The following AMY2B variants were observed in gnomAD, a reference collection of about 807,000 sequenced individuals.
The protein encoded by AMY2B is amylase alpha 2B.
In AMY2B, 63 loss-of-function variants were observed where a neutral mutation model predicts 59.3. That is an observed-to-expected ratio of 1.06 (90% CI 0.87 to 1.31). AMY2B has a LOEUF of 1.31. Ranked by LOEUF, AMY2B falls within the 50% of genes most tolerant of loss-of-function variation. AMY2B has a pLI of 0.00. For synonymous variants in AMY2B, 180 were observed against 198.1 expected, an observed-to-expected ratio of 0.91 and a Z score of 0.77; for missense variants, 635 against 626.7, an observed-to-expected ratio of 1.01 and a Z score of -0.14.
At chr1:103,567,123 C>G (rs115186091), upstream of AMY2B, among the ~76,000 whole-genome samples, 1,673 of 152,122 alleles carry the variant, frequency 0.011, 38 homozygotes, top group African/African-American at 0.039. Context: ...AACAGAGGAG[C>G]TAACTATGCT....
chr1:103,579,273 C>T, intron 9 of AMY2B, 38 bp from the exon 10 acceptor site: 3 of 1,611,486 alleles, frequency 1.9e-6, no homozygotes, highest in Non-Finnish European at 2.5e-6. Context: ...TCTTGATTTT[C>T]AGTGTATTGA....
upstream of AMY2B, chr1:103,570,185 T>C: frequency 2.1e-6 from 1 of 481,196 alleles, no homozygotes; most frequent in South Asian, 1.7e-5. Flanking sequence ...AGACACTACG[T>C]CAAGGAGAAA....
upstream of AMY2B, among the ~76,000 whole-genome samples, chr1:103,568,108 G>T (rs565656261): frequency 6.6e-6 from 1 of 152,124 alleles, no homozygotes; most frequent in Non-Finnish European, 1.5e-5. Flanking sequence ...TGCTATTACT[G>T]TTATTTACTA....
chr1:103,561,543 A>C (rs1570636828), intron 1 of AMY2B, among the ~76,000 whole-genome samples: 1 of 152,284 alleles, frequency 6.6e-6, no homozygotes, highest in East Asian at 1.9e-4. Flanking sequence ...TCATTTAACT[A>C]ATTTAACCCA....
upstream of AMY2B, chr1:103,569,960 C>A (rs964525626): frequency 4.3e-6 from 2 of 465,236 alleles, no homozygotes; most frequent in South Asian, 3.6e-5. Context: ...CGTGGCCATC[C>A]AGGCTAGGCT....
chr1:103,564,363 A>C (rs971394119), intron 1 of AMY2B, among the ~76,000 whole-genome samples: 1 of 152,168 alleles, frequency 6.6e-6, no homozygotes, highest in East Asian at 1.9e-4. Context: ...TCTTTACACC[A>C]TCAGCCCTGT....
chr1:103,559,815 A>G (rs954842200), intron 1 of AMY2B, among the ~76,000 whole-genome samples: 3 of 152,194 alleles, frequency 2.0e-5, no homozygotes, highest in Admixed American at 1.3e-4. Flanking sequence ...GTGTGACAAA[A>G]GGTACTATAA....
intron 1 of AMY2B, among the ~76,000 whole-genome samples, chr1:103,558,796 T>G (rs2101060079): frequency 6.6e-6 from 1 of 151,862 alleles, no homozygotes; most frequent in Admixed American, 6.6e-5. Context: ...ATTAATACAT[T>G]TTTCCTCTGT....
intron 5 of AMY2B, 47 bp downstream of exon 5, chr1:103,574,440 G>A: frequency 2.5e-6 from 4 of 1,607,788 alleles, no homozygotes; most frequent in Non-Finnish European, 3.4e-6. Context: ...AGATTTATTA[G>A]TCATAGTACC....
chr1:103,568,083 C>T (rs1651971314), upstream of AMY2B, among the ~76,000 whole-genome samples: 1 of 152,186 alleles, frequency 6.6e-6, no homozygotes, highest in African/African-American at 2.4e-5. Context: ...TTTTTATCAT[C>T]ACTGTTAGTA....
chr1:103,576,663 G>A (rs1652366979), intron 7 of AMY2B, among the ~76,000 whole-genome samples: 1 of 151,980 alleles, frequency 6.6e-6, no homozygotes, highest in Non-Finnish European at 1.5e-5. Context: ...ATGTTCTGAT[G>A]TATTGTTTTG....
chr1:103,569,311 G>C (rs1256901970), upstream of AMY2B: 2 of 154,626 alleles, frequency 1.3e-5, no homozygotes, highest in East Asian at 2.0e-4. Context: ...GGACTGTGTA[G>C]ATATGTGTGT....
chr1:103,565,135 A>G (rs1417800796), intron 1 of AMY2B: 1 of 152,252 alleles, frequency 6.6e-6, no homozygotes, highest in Non-Finnish European at 1.5e-5. Flanking sequence ...AACCACAGAT[A>G]GTACCAAGCC....
At chr1:103,557,193 C>A (rs1651585021) in intron 1 of AMY2B, among the ~76,000 whole-genome samples, 1 of 151,326 alleles carries the variant, frequency 6.6e-6, no homozygotes, top group Admixed American at 6.6e-5. Context: ...CATACATACA[C>A]ACAAAACATT....
At chr1:103,560,500 A>G (rs989874172) in intron 1 of AMY2B, among the ~76,000 whole-genome samples, 3 of 152,164 alleles carry the variant, frequency 2.0e-5, no homozygotes, top group Non-Finnish European at 4.4e-5. Context: ...TGCATTTAGC[A>G]GAAACATTTA....
rs1326692041 is a variant in AMY2B, at chr1:103,579,339, C to A, written c.1375C>A (p.Leu459Ile). ...WTFSLTLQTG[L>I]PAGTYCDVIS... Reference sequence around the variant, plus strand: ...ATTTTCTTTAACTTTGCAAACTGGTCTTCCTGCTGGCACATACTGTGATGT... The same window carrying A: ...ATTTTCTTTAACTTTGCAAACTGGTATTCCTGCTGGCACATACTGTGATGT... Residue 459 changes from leucine (L) to isoleucine (I), a missense_variant, in exon 10 of 10, where the codon CTT becomes ATT. Transcript: ENST00000684275. 1.2e-6 allele frequency: 2 copies of A among 1,611,624 alleles called. No homozygotes were observed. The highest frequency in any genetic ancestry group is 2.2e-5 in the East Asian group (1 of 44,832).
intron 1 of AMY2B, among the ~76,000 whole-genome samples, chr1:103,558,112 C>T (rs945277617): frequency 6.6e-6 from 1 of 152,154 alleles, no homozygotes; most frequent in Admixed American, 6.5e-5. Flanking sequence ...GAAATACTCC[C>T]ATCCTGTTGA....
chr1:103,579,136 G>T (rs1427975689), intron 9 of AMY2B, among the ~76,000 whole-genome samples, 175 bp from the exon 10 acceptor site: 1 of 152,064 alleles, frequency 6.6e-6, no homozygotes, highest in Non-Finnish European at 1.5e-5. Flanking sequence ...TTTCTGTAAG[G>T]TTACTTTTGG....
intron 7 of AMY2B, among the ~76,000 whole-genome samples, chr1:103,577,084 A>T (rs1222198253): frequency 1.3e-5 from 2 of 152,136 alleles, no homozygotes; most frequent in African/African-American, 2.4e-5. Context: ...AAAATTTTTT[A>T]AAAATTAGCT....
Sources: gnomAD v4.1 joint callset for allele counts (sites outside exome capture counted in the v4.1 genomes callset) on GRCh38, gnomAD v4.1.1 for gene constraint, MANE v1.5 for transcripts, NCBI Gene and HGNC (gene_info 2026-07-23, HGNC 2026-07-21) for gene names.